The following TBC1D19 variants were observed in gnomAD, a reference collection of about 807,000 sequenced individuals.
TBC1D19 encodes the protein TBC1 domain family, member 19.
TBC1D19 carries 60 observed loss-of-function variants against 89.0 expected under a neutral mutation model. That is an observed-to-expected ratio of 0.67 (90% CI 0.55 to 0.84). TBC1D19 has a LOEUF of 0.84. Among genes scored for constraint, TBC1D19 ranks in the 40% least tolerant of loss-of-function variants. The pLI is 0.00. For synonymous variants in TBC1D19, 189 were observed against 199.7 expected (o/e 0.95, Z 0.45); for missense variants, 500 against 610.8 (o/e 0.82, Z 1.91).
chr4:26,824,898 G>T, the TBC1D19 span, among the ~76,000 whole-genome samples: 1 of 152,096 alleles, frequency 6.6e-6, no homozygotes, highest in African/African-American at 2.4e-5. Context: ...AAGTACAATT[G>T]CTGGGTACAG....
intron 1 of TBC1D19, among the ~76,000 whole-genome samples, chr4:26,606,497 G>A (rs1741011747): frequency 6.6e-6 from 1 of 152,194 alleles, no homozygotes; most frequent in Admixed American, 6.5e-5. Flanking sequence ...TGGTGGAGGG[G>A]AGGGGAGTAG....
At position 26,702,275 on chromosome 4, in the gene TBC1D19, G is replaced by C. The variant is rs543449915; in HGVS notation, c.954+13868G>C. The stretch of plus-strand genomic sequence containing the variant: ...GAACTAATAAGTGGATGCATATTTT[G>C]AGAAAAAGCAGAATGAGCATCAGTA... On this transcript the variant is annotated intron_variant, in intron 13 of 20. Transcript: ENST00000264866. 5 of 152,300 alleles carry C rather than the reference G, an allele frequency of 3.3e-5. No homozygotes were observed. The East Asian group carries it at 9.6e-4, about 29-fold the overall frequency. The allele number at this position is 152,300 out of a possible 1,614,324, so 9.4% of individuals were successfully genotyped here. A position where few individuals can be genotyped will look rare whatever the true frequency, so the allele number is the denominator to read the frequency against.
intron 13 of TBC1D19, among the ~76,000 whole-genome samples, chr4:26,705,190 A>T (rs557197698): frequency 2.0e-4 from 30 of 152,212 alleles, no homozygotes; most frequent in Admixed American, 1.1e-3. Context: ...TTAATGTCTT[A>T]CTGAAAATGT....
chr4:26,698,735 C>T (rs1715037521), intron 13 of TBC1D19, among the ~76,000 whole-genome samples: 1 of 152,124 alleles, frequency 6.6e-6, no homozygotes, highest in Non-Finnish European at 1.5e-5. Flanking sequence ...TGATCTTTGA[C>T]CAACCTGACA....
intron 1 of TBC1D19, among the ~76,000 whole-genome samples, chr4:26,586,916 T>G (rs1005688503): frequency 2.0e-5 from 3 of 152,194 alleles, no homozygotes; most frequent in African/African-American, 7.2e-5. Flanking sequence ...TACTTCTTCC[T>G]TTCCAATCCG....
the TBC1D19 span, among the ~76,000 whole-genome samples, chr4:26,801,847 AC>A: frequency 6.6e-6 from 1 of 152,306 alleles, no homozygotes; most frequent in South Asian, 2.1e-4. Flanking sequence ...TCAGGGAGCT[AC>A]CAAGTAAAGT....
chr4:26,754,003 C>G, intron 20 of TBC1D19, 113 bp downstream of exon 20: 1 of 1,098,372 alleles, frequency 9.1e-7, no homozygotes, highest in Non-Finnish European at 1.4e-6. Context: ...GGTTTTTTAA[C>G]TCGGGTAAAA....
the TBC1D19 span, among the ~76,000 whole-genome samples, chr4:26,764,540 T>C: frequency 8.5e-5 from 13 of 152,206 alleles, no homozygotes; most frequent in Non-Finnish European, 1.9e-4. Flanking sequence ...GTAAGAAAGA[T>C]GATATATCAT....
intron 4 of TBC1D19, among the ~76,000 whole-genome samples, chr4:26,629,953 A>C (rs1742699738): frequency 1.3e-5 from 2 of 151,742 alleles, no homozygotes; most frequent in Non-Finnish European, 2.9e-5. Flanking sequence ...ATTATCAGAG[A>C]AGAATTACTA....
the TBC1D19 span, among the ~76,000 whole-genome samples, chr4:26,762,410 A>G: frequency 6.6e-6 from 1 of 152,226 alleles, no homozygotes; most frequent in Non-Finnish European, 1.5e-5. Flanking sequence ...TACTTACTCA[A>G]CAAACATTGA....
At chr4:26,712,603 T>C (rs192271221) in intron 13 of TBC1D19, among the ~76,000 whole-genome samples, 19 of 152,222 alleles carry the variant, frequency 1.2e-4, no homozygotes, top group African/African-American at 4.1e-4. Context: ...ACATTTTGTG[T>C]GACTATACCA....
At chr4:26,611,306 C>CT (rs971524700) in intron 1 of TBC1D19, among the ~76,000 whole-genome samples, 5 of 151,750 alleles carry the variant, frequency 3.3e-5, no homozygotes, top group African/African-American at 7.3e-5. Context: ...ATGTCTTTGT[C>CT]TTTTTTTTAA....
chr4:26,679,793 G>A (rs1301925288), intron 11 of TBC1D19, among the ~76,000 whole-genome samples: 1 of 152,224 alleles, frequency 6.6e-6, no homozygotes, highest in Non-Finnish European at 1.5e-5. Context: ...CATCAGCGTA[G>A]TTAATGCTGG....
chr4:26,779,614 TG>T, the TBC1D19 span, among the ~76,000 whole-genome samples: 1 of 152,226 alleles, frequency 6.6e-6, no homozygotes, highest in South Asian at 2.1e-4. Context: ...ACTTGGGTTT[TG>T]GACTAAGTCA....
chr4:26,598,702 A>T (rs1328833679), intron 1 of TBC1D19, among the ~76,000 whole-genome samples: 1 of 152,056 alleles, frequency 6.6e-6, no homozygotes. Context: ...CCCTAAATAT[A>T]CTTCTGTCAA....
At chr4:26,637,556 T>C (rs1743213215) in intron 5 of TBC1D19, among the ~76,000 whole-genome samples, 1 of 152,052 alleles carries the variant, frequency 6.6e-6, no homozygotes, top group Non-Finnish European at 1.5e-5. Context: ...GTATTTTTGA[T>C]AGAGACGGGG....
At chr4:26,604,900 AAT>A (rs1560411768) in intron 1 of TBC1D19, among the ~76,000 whole-genome samples, 7 of 151,922 alleles carry the variant, frequency 4.6e-5, no homozygotes, top group African/African-American at 1.7e-4. Context: ...TAATAATAAT[AAT>A]AATAAAAATG....
intron 15 of TBC1D19, among the ~76,000 whole-genome samples, chr4:26,721,086 C>G (rs1716944855): frequency 6.6e-6 from 1 of 151,966 alleles, no homozygotes; most frequent in Non-Finnish European, 1.5e-5. Flanking sequence ...ATATCTCACT[C>G]TTGTTCTGCT....
intron 7 of TBC1D19, among the ~76,000 whole-genome samples, chr4:26,656,539 A>G (rs1744822509): frequency 6.6e-6 from 1 of 151,530 alleles, no homozygotes; most frequent in Non-Finnish European, 1.5e-5. Flanking sequence ...ATGGTATGTC[A>G]GTATCTAAGT....
Sources: gnomAD v4.1 joint callset for allele counts (sites outside exome capture counted in the v4.1 genomes callset) on GRCh38, gnomAD v4.1.1 for gene constraint, MANE v1.5 for transcripts, NCBI Gene and HGNC (gene_info 2026-07-23, HGNC 2026-07-21) for gene names.